The following PDE4D variants were observed in gnomAD, a reference collection of about 807,000 sequenced individuals.
PDE4D encodes phosphodiesterase 4D, also known as 3',5'-cyclic-AMP phosphodiesterase 4D.
PDE4D carries 24 observed loss-of-function variants against 87.4 expected under a neutral mutation model. That is an observed-to-expected ratio of 0.27 (90% CI 0.20 to 0.39). PDE4D has a LOEUF of 0.39. Ranked by LOEUF, PDE4D falls within the 10% of genes least tolerant of loss-of-function variation. The pLI is 1.00. For synonymous variants in PDE4D, 384 were observed against 383.2 expected (o/e 1.00, Z -0.02); for missense variants, 714 against 1,041.0 (o/e 0.69, Z 4.32).
At chr5:60,282,893 A>G (rs1281542324) in intron 1 of PDE4D, among the ~76,000 whole-genome samples, 1 of 152,222 alleles carries the variant, frequency 6.6e-6, no homozygotes, top group East Asian at 1.9e-4. Flanking sequence ...ACATAGTCCG[A>G]AATCTTTTTA....
At chr5:60,377,708 A>G (rs931109855) in intron 1 of PDE4D, among the ~76,000 whole-genome samples, 12 of 152,040 alleles carry the variant, frequency 7.9e-5, no homozygotes, top group African/African-American at 2.9e-4. Context: ...TCATTATATT[A>G]CTCCCCGTTA....
chr5:60,295,612 T>C (rs1214832647), intron 1 of PDE4D, among the ~76,000 whole-genome samples: 1 of 152,140 alleles, frequency 6.6e-6, no homozygotes, highest in Non-Finnish European at 1.5e-5. Context: ...GTAGCACCCT[T>C]CCTCTAGCTG....
chr5:59,279,813 TTGTGTGTG>T (rs10664902), intron 1 of PDE4D, among the ~76,000 whole-genome samples: 1 of 148,266 alleles, frequency 6.7e-6, no homozygotes, highest in African/African-American at 2.5e-5. Context: ...ATGTGTGTGT[TTGTGTGTG>T]TGTGTGTGTG....
intron 2 of PDE4D, among the ~76,000 whole-genome samples, chr5:60,116,055 A>G (rs1276049154): frequency 6.6e-6 from 1 of 152,100 alleles, no homozygotes; most frequent in Admixed American, 6.6e-5. Flanking sequence ...CTATTAAAGA[A>G]TGGCTCCTGC....
chr5:59,933,771 GATAT>G (rs11442370), intron 3 of PDE4D, among the ~76,000 whole-genome samples: 4 of 25,984 alleles, frequency 1.5e-4, no homozygotes, highest in Non-Finnish European at 2.1e-4. Flanking sequence ...TGTAAAAGGA[GATAT>G]ATATATATAT....
At chr5:60,510,832 A>T (rs1750538264) in intron 1 of PDE4D, among the ~76,000 whole-genome samples, 1 of 152,180 alleles carries the variant, frequency 6.6e-6, no homozygotes, top group South Asian at 2.1e-4. Flanking sequence ...AAACCCAGAC[A>T]AGTGATACTG....
intron 1 of PDE4D, among the ~76,000 whole-genome samples, chr5:60,317,249 T>C (rs946113732): frequency 2.0e-5 from 3 of 152,162 alleles, no homozygotes; most frequent in Admixed American, 6.5e-5. Flanking sequence ...GATCCATTTC[T>C]TCTAGATTTT....
intron 1 of PDE4D, among the ~76,000 whole-genome samples, chr5:59,583,474 CTTTG>C (rs1305564285): frequency 1.3e-5 from 2 of 152,202 alleles, no homozygotes; most frequent in African/African-American, 4.8e-5. Flanking sequence ...AAACCCTTAT[CTTTG>C]TTTGGCTTGG....
At chr5:59,306,325 G>A (rs547637210) in intron 1 of PDE4D, among the ~76,000 whole-genome samples, 3 of 152,240 alleles carry the variant, frequency 2.0e-5, no homozygotes, top group Admixed American at 2.0e-4. Context: ...TAGTTGGTTG[G>A]TGAGTTCTTA....
intron 6 of PDE4D, among the ~76,000 whole-genome samples, chr5:59,021,954 C>T (rs895900512): frequency 1.2e-4 from 18 of 152,308 alleles, no homozygotes; most frequent in Non-Finnish European, 1.8e-4. Context: ...CCCAGGCAGC[C>T]GGTCCTTCAG....
At chr5:59,267,411 G>A (rs568453463) in intron 1 of PDE4D, among the ~76,000 whole-genome samples, 173 of 152,148 alleles carry the variant, frequency 1.1e-3, no homozygotes, top group African/African-American at 4.0e-3. Context: ...CATCTTTGAT[G>A]TATTTTAAAC....
chr5:59,287,744 G>T (rs1274156595), intron 1 of PDE4D, among the ~76,000 whole-genome samples: 1 of 151,924 alleles, frequency 6.6e-6, no homozygotes, highest in African/African-American at 2.4e-5. Context: ...GAGACAGACA[G>T]ACAGACAGAC....
intron 1 of PDE4D, among the ~76,000 whole-genome samples, chr5:60,251,284 G>GT (rs1748418092): frequency 6.6e-6 from 1 of 151,458 alleles, no homozygotes; most frequent in South Asian, 2.1e-4. Flanking sequence ...ATGGGGGTTT[G>GT]GTGTACAGAT....
At chr5:59,312,282 G>A (rs572539439) in intron 1 of PDE4D, among the ~76,000 whole-genome samples, 54 of 152,322 alleles carry the variant, frequency 3.5e-4, no homozygotes, top group African/African-American at 1.3e-3. Context: ...GGACATAAAT[G>A]TACTCCTGGG....
intron 3 of PDE4D, among the ~76,000 whole-genome samples, chr5:59,962,443 T>C (rs905495138): frequency 1.3e-5 from 2 of 151,996 alleles, no homozygotes; most frequent in Non-Finnish European, 2.9e-5. Flanking sequence ...AGAATACAAG[T>C]ATGTAAGATT....
chr5:59,003,170 G>A (rs1750888815), intron 6 of PDE4D, among the ~76,000 whole-genome samples: 1 of 152,034 alleles, frequency 6.6e-6, no homozygotes, highest in Admixed American at 6.5e-5. Flanking sequence ...GACCTCTACT[G>A]CCAGATCAAT....
chr5:58,987,751 C>G (rs1006825637), intron 11 of PDE4D, among the ~76,000 whole-genome samples: 2 of 152,094 alleles, frequency 1.3e-5, no homozygotes, highest in African/African-American at 4.8e-5. Context: ...TATAATCTAC[C>G]ATATGGGAGG....
chr5:59,692,253 G>T, intron 1 of PDE4D, among the ~76,000 whole-genome samples: 1 of 152,102 alleles, frequency 6.6e-6, no homozygotes, highest in East Asian at 1.9e-4. Flanking sequence ...AGAGCTCTTG[G>T]TCTTCTTGGG....
exon 3 of PDE4D, chr5:59,988,509 A>G: frequency 1.9e-6 from 3 of 1,598,228 alleles, no homozygotes; most frequent in Non-Finnish European, 2.5e-6. Flanking sequence ...TGCAGAAGTG[A>G]TAGCAATCAG....
Sources: gnomAD v4.1 joint callset for allele counts (sites outside exome capture counted in the v4.1 genomes callset) on GRCh38, gnomAD v4.1.1 for gene constraint, MANE v1.5 for transcripts, NCBI Gene and HGNC (gene_info 2026-07-23, HGNC 2026-07-21) for gene names.